Variants in MARK3 observed in about 807,000 individuals in gnomAD.
MARK3 encodes microtubule affinity regulating kinase 3.
MARK3 carries 46 observed loss-of-function variants against 90.1 expected under a neutral mutation model. That is an observed-to-expected ratio of 0.51 (90% CI 0.40 to 0.65). The LOEUF (loss-of-function observed/expected upper bound fraction) is 0.65, where lower values mean the gene tolerates loss of function less well. Ranked by LOEUF, MARK3 falls within the 30% of genes least tolerant of loss-of-function variation. The pLI is 0.00. For missense variants in MARK3, 818 were observed against 947.2 expected, an observed-to-expected ratio of 0.86 and a Z score of 1.79; for synonymous variants, 321 against 332.6, an observed-to-expected ratio of 0.97 and a Z score of 0.38.
chr14:103,480,133 A>C (rs929077476), intron 13 of MARK3, among the ~76,000 whole-genome samples: 5 of 152,208 alleles, frequency 3.3e-5, no homozygotes, highest in African/African-American at 1.2e-4. Flanking sequence ...AAAGAAAAAA[A>C]AAATTAGCCA....
chr14:103,500,284 C>T, intron 17 of MARK3, 84 bp downstream of exon 17: 1 of 1,011,686 alleles, frequency 9.9e-7, no homozygotes, highest in Non-Finnish European at 1.5e-6. Context: ...CTGAATGTTC[C>T]CTACTGTATT....
chr14:103,448,878 GT>G (rs765115996), intron 3 of MARK3, 40 bp from the exon 4 acceptor site: 5 of 1,504,666 alleles, frequency 3.3e-6, no homozygotes, highest in South Asian at 1.2e-5. Flanking sequence ...TTAATAACTT[GT>G]GTTGGGGGGA....
chr14:103,446,246 G>T (rs2092991383), intron 3 of MARK3, among the ~76,000 whole-genome samples: 1 of 152,188 alleles, frequency 6.6e-6, no homozygotes, highest in African/African-American at 2.4e-5. Context: ...ATGTTCTGTG[G>T]CCAGGCGCGG....
At position 103,465,549 on chromosome 14, in the gene MARK3, C is replaced by A. The variant is rs532113877; in HGVS notation, c.541-8C>A. ...AATTTCATTTTTGTCTTGATGTTTTCCCTCTAGGCTGAAAATCTATTGTTA... is the reference window on the plus strand; with the variant it reads ...AATTTCATTTTTGTCTTGATGTTTTACCTCTAGGCTGAAAATCTATTGTTA... On this transcript the variant is annotated splice_polypyrimidine_tract_variant and splice_region_variant and intron_variant, in intron 7 of 17. Coordinates refer to ENST00000429436, the MANE Select transcript of MARK3 (RefSeq NM_001128918.3). The A allele has an allele frequency of 6.3e-7, 1 of 1,588,814 alleles. No homozygotes were observed. The highest frequency in any genetic ancestry group is 2.2e-5 in the East Asian group (1 of 44,724).
intron 2 of MARK3, chr14:103,412,423 C>T (rs1272776177): frequency 1.7e-6 from 1 of 582,396 alleles, no homozygotes; most frequent in Non-Finnish European, 3.1e-6. Flanking sequence ...TTTGCTTTAT[C>T]AGAGACTCTG....
intron 1 of MARK3, among the ~76,000 whole-genome samples, chr14:103,394,216 AT>A (rs1174439377): frequency 1.3e-5 from 2 of 152,190 alleles, no homozygotes; most frequent in African/African-American, 2.4e-5. Context: ...CAGAAAATTC[AT>A]TTGTCTCATA....
intron 13 of MARK3, 99 bp from the exon 14 acceptor site, chr14:103,480,288 A>G (rs2093797687): frequency 4.0e-6 from 3 of 756,728 alleles, no homozygotes; most frequent in Non-Finnish European, 4.5e-6. Context: ...AAACAAGTAA[A>G]TAAAAGACTG....
intron 2 of MARK3, among the ~76,000 whole-genome samples, chr14:103,408,493 T>A (rs1003060096): frequency 2.6e-5 from 4 of 152,210 alleles, no homozygotes; most frequent in African/African-American, 9.6e-5. Flanking sequence ...CTGGCCTGAA[T>A]GTAGTAATAC....
chr14:103,467,690 A>AAAAAAAG (rs2093539457), intron 11 of MARK3: 1 of 158,274 alleles, frequency 6.3e-6, no homozygotes, highest in Non-Finnish European at 1.4e-5. Flanking sequence ...AAAAAAAAAA[A>AAAAAAAG]AAAAAAAGAT....
intron 12 of MARK3, among the ~76,000 whole-genome samples, chr14:103,473,553 G>T (rs946078440): frequency 5.9e-5 from 9 of 152,142 alleles, no homozygotes; most frequent in African/African-American, 2.2e-4. Flanking sequence ...CCCTATGCTT[G>T]ATTAAGTTTT....
At chr14:103,466,740 C>T (rs566922747) in intron 10 of MARK3, among the ~76,000 whole-genome samples, 1 of 152,272 alleles carries the variant, frequency 6.6e-6, no homozygotes, top group Admixed American at 6.5e-5. Flanking sequence ...CGTGGTGGCT[C>T]ACGCCTGTAA....
intron 3 of MARK3, among the ~76,000 whole-genome samples, chr14:103,437,495 C>T (rs2092744579): frequency 6.6e-6 from 1 of 152,156 alleles, no homozygotes; most frequent in Non-Finnish European, 1.5e-5. Context: ...CCAAGCTGGT[C>T]TCAGACTCCT....
In MARK3 at chr14:103,462,385, T is replaced by C. The variant is rs1345636885; in HGVS notation, c.484-20T>C. 2 of 1,577,844 alleles carry C rather than the reference T, an allele frequency of 1.3e-6. No homozygotes were observed. Among genetic ancestry groups the C allele is most frequent in the Non-Finnish European group, 1.7e-6 (2 of 1,150,254 alleles). On this transcript the variant is annotated intron_variant, in intron 6 of 17. Transcript: ENST00000429436. ...CGAATCTGCACCAGTGATGACTGAC[T>C]CTGCGTCTCTCCTATTCAGATTGTG...
At chr14:103,491,723 CTG>C in intron 14 of MARK3, 52 bp from the exon 15 acceptor site, 2 of 1,578,748 alleles carry the variant, frequency 1.3e-6, no homozygotes, top group Non-Finnish European at 1.7e-6. Context: ...TATATTGTGA[CTG>C]TAAATTTTTG....
intron 14 of MARK3, among the ~76,000 whole-genome samples, chr14:103,487,209 G>A (rs903039441): frequency 2.7e-5 from 4 of 149,174 alleles, no homozygotes; most frequent in Admixed American, 1.3e-4. Context: ...GGGCCACCAC[G>A]CCCAGCCTCA....
At chr14:103,502,472 T>C (rs1318774180) in intron 17 of MARK3, among the ~76,000 whole-genome samples, 1 of 152,214 alleles carries the variant, frequency 6.6e-6, no homozygotes, top group Non-Finnish European at 1.5e-5. Flanking sequence ...AGAACAGTAC[T>C]GCAGGAGAGG....
intron 2 of MARK3, among the ~76,000 whole-genome samples, chr14:103,416,337 A>T (rs986701754): frequency 2.0e-5 from 3 of 152,228 alleles, no homozygotes; most frequent in African/African-American, 7.2e-5. Flanking sequence ...AGATGGACAA[A>T]ATATCAACAT....
chr14:103,491,039 G>A (rs1305175928), intron 14 of MARK3: 1 of 1,288,634 alleles, frequency 7.8e-7, no homozygotes. Context: ...CGATGTCCAT[G>A]TCAGCCTCTG....
intron 14 of MARK3, among the ~76,000 whole-genome samples, chr14:103,482,432 A>C (rs535943476): frequency 5.9e-5 from 9 of 152,156 alleles, no homozygotes; most frequent in African/African-American, 1.9e-4. Flanking sequence ...GAGGCAGGAG[A>C]ATTACTTGAA....
Sources: gnomAD v4.1 joint callset for allele counts (sites outside exome capture counted in the v4.1 genomes callset) on GRCh38, gnomAD v4.1.1 for gene constraint, MANE v1.5 for transcripts, NCBI Gene and HGNC (gene_info 2026-07-23, HGNC 2026-07-21) for gene names.